The following CCSER1 variants were observed in gnomAD, a reference collection of about 807,000 sequenced individuals.
CCSER1 encodes coiled-coil serine rich protein 1.
CCSER1 carries 41 observed loss-of-function variants against 82.0 expected under a neutral mutation model. The ratio of observed to expected loss-of-function variants is 0.50; its 90% confidence interval spans 0.39 to 0.65. CCSER1 has a LOEUF of 0.65. Ranked by LOEUF, CCSER1 falls within the 30% of genes least tolerant of loss-of-function variation. The pLI is 0.00. For missense variants in CCSER1, 1,119 were observed against 1,064.2 expected (o/e 1.05, Z -0.72); for synonymous variants, 414 against 383.9 (o/e 1.08, Z -0.92).
intron 1 of CCSER1, among the ~76,000 whole-genome samples, chr4:90,162,204 T>C (rs1263853751): frequency 1.3e-5 from 2 of 152,146 alleles, no homozygotes; most frequent in Non-Finnish European, 2.9e-5. Flanking sequence ...CTATTACCCA[T>C]TTCCTTCTGA....
At chr4:91,594,024 T>C (rs1764401205) in intron 10 of CCSER1, among the ~76,000 whole-genome samples, 1 of 152,096 alleles carries the variant, frequency 6.6e-6, no homozygotes, top group Admixed American at 6.6e-5. Context: ...ATCACTAGAT[T>C]TTCCATCCTT....
At chr4:91,177,358 CT>C (rs1482317797) in intron 10 of CCSER1, among the ~76,000 whole-genome samples, 1 of 152,172 alleles carries the variant, frequency 6.6e-6, no homozygotes, top group Non-Finnish European at 1.5e-5. Flanking sequence ...AGGATTCCCT[CT>C]TTTTCTGTTC....
At chr4:90,805,264 A>C (rs1273911365) in intron 7 of CCSER1, among the ~76,000 whole-genome samples, 1 of 152,168 alleles carries the variant, frequency 6.6e-6, no homozygotes, top group Non-Finnish European at 1.5e-5. Flanking sequence ...CTGAGACTTT[A>C]GTCACCTGAA....
intron 10 of CCSER1, among the ~76,000 whole-genome samples, chr4:91,285,677 T>G (rs146734522): frequency 2.0e-5 from 3 of 151,886 alleles, no homozygotes; most frequent in Admixed American, 1.3e-4. Flanking sequence ...TTCCTAAATA[T>G]GCTGACTTGG....
chr4:90,752,539 T>A lies in CCSER1; in HGVS notation c.2010+28548T>A, dbSNP rs75506230. 3.9e-3 allele frequency among the ~76,000 whole-genome samples: 596 copies of A among 152,220 alleles called. 2 individuals are homozygous for A. Among genetic ancestry groups the A allele is most frequent in the African/African-American group, 0.014 (573 of 41,556 alleles). On this transcript the variant is annotated intron_variant, in intron 7 of 10. Transcript: ENST00000509176. ...TTTATTATTACAAATTTTGGTGCTC[T>A]AATTTTCAGTTTGTCATTTTCCAAA... is the stretch of plus-strand genomic sequence containing the variant.
At chr4:91,245,329 ACTACCT>A (rs1317066406) in intron 10 of CCSER1, among the ~76,000 whole-genome samples, 1 of 152,154 alleles carries the variant, frequency 6.6e-6, no homozygotes, top group African/African-American at 2.4e-5. Flanking sequence ...CTCGAAGAAG[ACTACCT>A]CTAGGCATTG....
chr4:90,386,910 TTA>T (rs1201272116), intron 3 of CCSER1, among the ~76,000 whole-genome samples: 1 of 152,230 alleles, frequency 6.6e-6, no homozygotes, highest in Admixed American at 6.5e-5. Flanking sequence ...TGGTGTTTTT[TTA>T]TGTCATTTAT....
intron 7 of CCSER1, among the ~76,000 whole-genome samples, chr4:90,795,583 G>A (rs1755893927): frequency 6.6e-6 from 1 of 152,170 alleles, no homozygotes; most frequent in African/African-American, 2.4e-5. Context: ...GGTTTTTCAG[G>A]AGAATGCTTC....
chr4:91,082,214 G>C (rs1322078660), intron 9 of CCSER1, among the ~76,000 whole-genome samples: 4 of 152,176 alleles, frequency 2.6e-5, no homozygotes, highest in African/African-American at 7.2e-5. Flanking sequence ...TACCAAAACA[G>C]AGATATAGAC....
chr4:90,564,663 A>G (rs1319257521), intron 5 of CCSER1, among the ~76,000 whole-genome samples: 1 of 147,844 alleles, frequency 6.8e-6, no homozygotes. Context: ...TTCAGGTCTT[A>G]TATTTAAATA....
At chr4:90,272,325 A>G (rs1726691938) in intron 1 of CCSER1, among the ~76,000 whole-genome samples, 1 of 152,230 alleles carries the variant, frequency 6.6e-6, no homozygotes, top group Non-Finnish European at 1.5e-5. Context: ...ATCATTAATC[A>G]TCAGAGAAAT....
Position 90,257,556 on chromosome 4 carries a change from G to GATAC in CCSER1, c.-41-50685_-41-50684insCATA, listed in dbSNP as rs1553973701. Among the ~76,000 whole-genome samples the GATAC allele has an allele frequency of 7.3e-5, 8 of 109,832 alleles. No homozygotes were observed. In the East Asian group the frequency reaches 9.4e-4, roughly 13 times the overall value. 72.1% of individuals were successfully genotyped at this position (109,832 alleles called of 152,430 possible). A position where few individuals can be genotyped will look rare whatever the true frequency, so the allele number is the denominator to read the frequency against. ...AGATAGATAGATAGATAGATAGATAGATAGATACATAGATACATAGATACA... is the reference window on the plus strand; with the variant it reads ...AGATAGATAGATAGATAGATAGATAGATACATAGATACATAGATACATAGATACA... On this transcript the variant is annotated intron_variant, in intron 1 of 10. Transcript: ENST00000509176.
At chr4:91,372,032 T>C (rs1043704615) in intron 10 of CCSER1, among the ~76,000 whole-genome samples, 2 of 152,206 alleles carry the variant, frequency 1.3e-5, no homozygotes, top group Non-Finnish European at 1.5e-5. Context: ...TTTCCTACTA[T>C]AAATAAAAAT....
intron 4 of CCSER1, among the ~76,000 whole-genome samples, chr4:90,466,456 C>T (rs557762782): frequency 5.3e-5 from 8 of 152,224 alleles, no homozygotes; most frequent in South Asian, 2.1e-4. Flanking sequence ...ATTCTGTGAA[C>T]CTGAGTAAGT....
chr4:91,600,198 C>T lies in CCSER1; in HGVS notation c.*1141C>T, dbSNP rs2110364636. 6.6e-6 allele frequency: 1 copy of T among 152,202 alleles called. No homozygotes were observed. The allele number at this position is 152,202 out of a possible 1,614,324, so 9.4% of individuals were successfully genotyped here. A position where few individuals can be genotyped will look rare whatever the true frequency, so the allele number is the denominator to read the frequency against. ...AACCCATTTGATGGCAAATATTTCT[C>T]TTTGACAAATAAGGCCCAAATATGT... On this transcript the variant is annotated 3_prime_UTR_variant, in exon 11 of 11. Coordinates refer to ENST00000509176, the MANE Select transcript of CCSER1 (RefSeq NM_001145065.2).
intron 10 of CCSER1, among the ~76,000 whole-genome samples, chr4:91,441,527 A>G (rs1755147040): frequency 1.3e-5 from 2 of 152,138 alleles, no homozygotes; most frequent in Admixed American, 1.3e-4. Context: ...CTGAATGGGC[A>G]AAAACTGGAA....
At chr4:91,213,153 G>T (rs559561274) in intron 10 of CCSER1, among the ~76,000 whole-genome samples, 1 of 151,876 alleles carries the variant, frequency 6.6e-6, no homozygotes, top group Non-Finnish European at 1.5e-5. Context: ...TGGGCACCTT[G>T]GTTGATTCCA....
At chr4:91,154,216 G>A (rs923827035) in intron 10 of CCSER1, among the ~76,000 whole-genome samples, 19 of 152,114 alleles carry the variant, frequency 1.2e-4, no homozygotes, top group African/African-American at 3.1e-4. Flanking sequence ...TATGGCAAAC[G>A]CCCCTCCCCC....
rs78148919 is a variant in CCSER1, at chr4:91,142,524, A to G, written c.2217+56530A>G. Among the ~76,000 whole-genome samples the G allele has an allele frequency of 3.1e-3, 478 of 152,264 alleles. 4 individuals carry two copies. The highest frequency in any genetic ancestry group is 0.011 in the African/African-American group (459 of 41,562). On this transcript the variant is annotated intron_variant, in intron 10 of 10. Transcript: ENST00000509176. ...TGTGATTGCTTTTGAGGACTTAATCATCAATTATTTGCCAAGGCTGATGTC... is the reference window on the plus strand; with the variant it reads ...TGTGATTGCTTTTGAGGACTTAATCGTCAATTATTTGCCAAGGCTGATGTC...
Sources: allele counts gnomAD v4.1 joint callset (sites outside exome capture counted in the v4.1 genomes callset), GRCh38; gene constraint gnomAD v4.1.1; transcripts MANE v1.5; gene names NCBI Gene and HGNC (gene_info 2026-07-23, HGNC 2026-07-21).